The following KMT2B variants were observed in gnomAD, a reference collection of about 807,000 sequenced individuals.
KMT2B encodes the protein lysine methyltransferase 2B, also known as histone-lysine N-methyltransferase 2B.
KMT2B carries 22 observed loss-of-function variants against 255.3 expected under a neutral mutation model. The ratio of observed to expected loss-of-function variants is 0.09; its 90% CI spans 0.06 to 0.12. The LOEUF is 0.12. Among genes scored for constraint, KMT2B ranks in the 10% least tolerant of loss-of-function variants. KMT2B has a pLI of 1.00. For synonymous variants in KMT2B, 1,730 were observed against 1,498.1 expected, an observed-to-expected ratio of 1.15 and a Z score of -3.57; for missense variants, 3,149 against 3,737.0, an observed-to-expected ratio of 0.84 and a Z score of 4.10.
chr19:35,721,945 TC>T, intron 3 of KMT2B, 141 bp downstream of exon 3: 1 of 1,139,914 alleles, frequency 8.8e-7, no homozygotes, highest in African/African-American at 1.6e-5. Context: ...TCCCCCACCT[TC>T]CTTTGTTCCT....
intron 19 of KMT2B, among the ~76,000 whole-genome samples, chr19:35,728,494 G>C (rs1413578783): frequency 0.015 from 1 of 68 alleles, no homozygotes; most frequent in Non-Finnish European, 0.029. Context: ...GGCGGTGGGG[G>C]CCCGGAGGGG....
Position 35,719,465 on chromosome 19 carries a change from TC to T in KMT2B, c.364-3del, listed in dbSNP as rs1250741678. 6.3e-7 allele frequency: 1 copy of T among 1,577,520 alleles called. No homozygotes were observed. The highest frequency in any genetic ancestry group is 1.8e-5 in the Admixed American group (1 of 54,734). ...CTCCCCTCCACCCCGGTCCCCTAAA[TC>T]AGGAGTTTCAGGGTTTTCATTCAGA... On this transcript the variant is annotated splice_polypyrimidine_tract_variant and splice_region_variant and intron_variant, in intron 1 of 36. Coordinates refer to ENST00000420124, the MANE Select transcript of KMT2B (RefSeq NM_014727.3).
rs1969029636 is a variant in KMT2B, at chr19:35,718,186, G to C, written c.168G>C (p.Pro56=). Residue 56 remains proline, a synonymous_variant, in exon 1 of 37, where the codon CCG becomes CCC. Transcript: ENST00000420124. The surrounding 1 kb of genome is among the most constrained non-coding windows in gnomAD (Gnocchi z 5.0). The stretch of plus-strand genomic sequence containing the variant: ...GGCGCGGCGGTGGCGCGACGGGGCC[G>C]GGCGGAGCCGAGCCCGGGGAGGACA... ...ALRRGGGATG[P]GGAEPGEDTA... The C allele has an allele frequency of 3.6e-6, 4 of 1,122,262 alleles. No individual in the cohort carries two copies. The highest frequency in any genetic ancestry group is 1.7e-5 in the African/African-American group (1 of 60,380). The allele number at this position is 1,122,262 out of a possible 1,614,324, so 69.5% of individuals were successfully genotyped here.
intron 30 of KMT2B, chr19:35,736,343 A>G (rs1295361232): frequency 8.9e-6 from 2 of 224,388 alleles, no homozygotes; most frequent in Admixed American, 1.0e-4. Flanking sequence ...AGTATTTTAA[A>G]TTTTGTGTGA....
At chr19:35,726,689 G>A (rs1884441778) in intron 14 of KMT2B, among the ~76,000 whole-genome samples, 1 of 152,142 alleles carries the variant, frequency 6.6e-6, no homozygotes, top group Admixed American at 6.5e-5. Context: ...TCTGAAAAGA[G>A]GCCTCATCCT....
At position 35,723,456 on chromosome 19, in the gene KMT2B, G is replaced by A. The variant is rs1244926297; in HGVS notation, c.3012G>A (p.Lys1004=). ...NTKKQCCVYR[K]CDKIEARKME... is the part of the protein sequence containing the mutation. ...CTGCTCCCCTCCCCAGATACCGGAA[G>A]TGTGACAAAATAGAGGCTCGGAAGA... Residue 1004 remains lysine (K), a synonymous_variant, in exon 7 of 37, where the codon AAG becomes AAA. Coordinates refer to ENST00000420124, the MANE Select transcript of KMT2B (RefSeq NM_014727.3). The surrounding 1 kb of genome is among the most constrained non-coding windows in gnomAD (Gnocchi z 7.5). 5 of 1,578,322 alleles carry A rather than the reference G, an allele frequency of 3.2e-6. No homozygotes were observed. In the Admixed American group the frequency reaches 7.4e-5, roughly 23 times the overall value.
Position 35,720,246 on chromosome 19 carries a change from G to A in KMT2B, c.899G>A (p.Gly300Glu). ...RGGRGRGRGG[G>E]LPFVIKFVSR... is the part of the protein sequence containing the mutation. ...GGCAGGGGCCGCGGCCGAGGTGGTG[G>A]GCTCCCCTTTGTGATCAAGTTTGTT... The change falls in exon 3 of 37, where the codon GGG becomes GAG. Residue 300 changes from glycine (G) to glutamate (E), a missense_variant. Gly to Glu is a moderately conservative substitution (Grantham distance 98, BLOSUM62 -2). Around this residue, in one of 18 missense-constraint regions of KMT2B, gnomAD observed 1,188 missense variants for 1,106.4 expected, o/e 1.07. Transcript: ENST00000420124. 1.2e-6 allele frequency: 2 copies of A among 1,612,572 alleles called. No homozygotes were observed. The highest frequency in any genetic ancestry group is 1.7e-6 in the Non-Finnish European group (2 of 1,179,506).
In KMT2B at chr19:35,725,843, G is replaced by C. The variant is rs1002653694; in HGVS notation, c.3885+25G>C. The C allele has an allele frequency of 1.2e-5, 18 of 1,543,084 alleles. No homozygotes were observed. Among genetic ancestry groups the C allele is most frequent in the Non-Finnish European group, 1.6e-5 (18 of 1,138,590 alleles). On this transcript the variant is annotated intron_variant, in intron 13 of 36. Transcript: ENST00000420124. This position sits in a 1 kb window ranked among gnomAD's most constrained non-coding sequence, Gnocchi z 4.1. The stretch of plus-strand genomic sequence containing the variant: ...GGTGAGAGATGAGGTTCACCCACTT[G>C]CTTTGTCTCTAATGAATATCACCAC...
chr19:35,724,017 G>T lies in KMT2B; in HGVS notation c.3334+10G>T. On this transcript the variant is annotated intron_variant, in intron 8 of 36. Coordinates refer to ENST00000420124, the MANE Select transcript of KMT2B (RefSeq NM_014727.3). Reference sequence around the variant, plus strand: ...ACCCCCCGAGAAAATGGTGCGAACTGCTTAATGCTTTCTCTGTTGATCATT... The same window carrying T: ...ACCCCCCGAGAAAATGGTGCGAACTTCTTAATGCTTTCTCTGTTGATCATT... 1 of 1,565,172 alleles carries T rather than the reference G, an allele frequency of 6.4e-7. No individual in the cohort carries two copies. The highest frequency in any genetic ancestry group is 1.4e-5 in the African/African-American group (1 of 72,928).
Position 35,724,631 on chromosome 19 carries a change from G to C in KMT2B, c.3335-6G>C, listed in dbSNP as rs1300452150. On this transcript the variant is annotated splice_polypyrimidine_tract_variant and splice_region_variant and intron_variant, in intron 8 of 36. Transcript: ENST00000420124. The stretch of plus-strand genomic sequence containing the variant: ...GTGACCTCACTGCTCATTGTGTCCT[G>C]CCTAGAGCTGCCACTGCCAGAACCT... 3 of 1,581,578 alleles carry C rather than the reference G, an allele frequency of 1.9e-6. No individual in the cohort carries two copies. The highest frequency in any genetic ancestry group is 2.9e-5 in the African/African-American group (2 of 69,284).
In KMT2B at chr19:35,718,269, G is replaced by C; in HGVS notation, c.251G>C (p.Trp84Ser). 1 of 1,217,172 alleles carries C rather than the reference G, an allele frequency of 8.2e-7. No individual in the cohort carries two copies. Among genetic ancestry groups the C allele is most frequent in the Non-Finnish European group, 1.0e-6 (1 of 970,398 alleles). 75.4% of individuals were successfully genotyped at this position (1,217,172 alleles called of 1,614,324 possible). A position where few individuals can be genotyped will look rare whatever the true frequency, so the allele number is the denominator to read the frequency against. ...GGCCTGCGCCGGCTCCGCCGCCTGT[G>C]GGCCGGCCCGCGGGTCCAGCGGGGC... ...RRGLRRLRRL[W>S]AGPRVQRGRG... The change falls in exon 1 of 37, where the codon TGG becomes TCG. Residue 84 changes from tryptophan to serine, a missense_variant. Physicochemically the swap from Trp to Ser is radical, Grantham distance 177. Coordinates refer to ENST00000420124, the MANE Select transcript of KMT2B (RefSeq NM_014727.3). The surrounding 1 kb of genome is among the most constrained non-coding windows in gnomAD (Gnocchi z 5.0).
chr19:35,721,209 C>CGA lies in KMT2B; in HGVS notation c.1862_1863insGA (p.Pro622IlefsTer39). 1 of 1,516,562 alleles carries CGA rather than the reference C, an allele frequency of 6.6e-7. No homozygotes were observed. The highest frequency in any genetic ancestry group is 8.9e-7 in the Non-Finnish European group (1 of 1,126,510). The allele number at this position is 1,516,562 out of a possible 1,614,324, so 93.9% of individuals were successfully genotyped here. On this transcript the variant is annotated frameshift_variant, in exon 3 of 37. Transcript: ENST00000420124. LOFTEE classifies it high-confidence loss of function. Reference sequence around the variant, plus strand: ...TCACTGACCCGGGAGCTGCCCCCTCCTCCCCCAGCCCCTCCACCTCCCCCG... The same window carrying CGA: ...TCACTGACCCGGGAGCTGCCCCCTCCGATCCCCCAGCCCCTCCACCTCCCCCG...
chr19:35,723,355 G>T lies in KMT2B; in HGVS notation c.3002+81G>T. 1 of 1,555,372 alleles carries T rather than the reference G, an allele frequency of 6.4e-7. No individual in the cohort carries two copies. The highest frequency in any genetic ancestry group is 8.7e-7 in the Non-Finnish European group (1 of 1,145,684). On this transcript the variant is annotated intron_variant, in intron 6 of 36. Transcript: ENST00000420124. The surrounding 1 kb of genome is among the most constrained non-coding windows in gnomAD (Gnocchi z 7.5). ...ACCTCACTCCTCTTCTGCCTGGCCA[G>T]AGCAGTGGGGTTGGCATTCTTGTGG...
Position 35,718,482 on chromosome 19 carries a change from A to G in KMT2B, c.363+101A>G. 2 of 1,174,036 alleles carry G rather than the reference A, an allele frequency of 1.7e-6. No homozygotes were observed. The highest frequency in any genetic ancestry group is 4.3e-5 in the South Asian group (1 of 23,390). 72.7% of individuals were successfully genotyped at this position (1,174,036 alleles called of 1,614,324 possible). On this transcript the variant is annotated intron_variant, in intron 1 of 36. Transcript: ENST00000420124. The surrounding 1 kb of genome is among the most constrained non-coding windows in gnomAD (Gnocchi z 5.0). ...GGCGGCGTGGGCAGGCCGGGTCCTC[A>G]GGGTTCCTTCGGAGAGACGGGGCAC...
At position 35,723,419 on chromosome 19, in the gene KMT2B, C is replaced by T. The variant is rs1291068602; in HGVS notation, c.3003-28C>T. 4 of 1,563,688 alleles carry T rather than the reference C, an allele frequency of 2.6e-6. No individual in the cohort carries two copies. The South Asian group carries it at 3.5e-5, about 14-fold the overall frequency. On this transcript the variant is annotated intron_variant, in intron 6 of 36. Coordinates refer to ENST00000420124, the MANE Select transcript of KMT2B (RefSeq NM_014727.3). The surrounding 1 kb of genome is among the most constrained non-coding windows in gnomAD (Gnocchi z 7.5). ...TTCCCCCAGACCACCAGTCCCCTAC[C>T]CTGGTGACGTGCTGCTCCCCTCCCC...
At position 35,727,829 on chromosome 19, in the gene KMT2B, G is replaced by A. The variant is rs747862819; in HGVS notation, c.4392+42G>A. On this transcript the variant is annotated intron_variant, in intron 17 of 36. Transcript: ENST00000420124. The surrounding 1 kb of genome is among the most constrained non-coding windows in gnomAD (Gnocchi z 4.2). ...GAGGAGCAGGTGGGTGGCAGGAGGA[G>A]AGGGCTGGAATTGTGCAGAGGGGAC... 1.2e-6 allele frequency: 2 copies of A among 1,613,208 alleles called. No individual in the cohort carries two copies. Among genetic ancestry groups the A allele is most frequent in the East Asian group, 4.5e-5 (2 of 44,888 alleles).
chr19:35,733,166 G>A lies in KMT2B; in HGVS notation c.6617G>A (p.Gly2206Glu). ...GGGCAAGTATTTGTGAAGATGGCTGGGGAGGGTGAACCTGTCCCACCCCCA... is the reference window on the plus strand; with the variant it reads ...GGGCAAGTATTTGTGAAGATGGCTGAGGAGGGTGAACCTGTCCCACCCCCA... ...KLGQVFVKMA[G>E]EGEPVPPPVK... Residue 2206 changes from glycine (G) to glutamate (E), a missense_variant, in exon 28 of 37, where the codon GGG (glycine) becomes GAG (glutamate). Gly to Glu is a moderately conservative substitution (Grantham distance 98). Transcript: ENST00000420124. This position sits in a 1 kb window ranked among gnomAD's most constrained non-coding sequence, Gnocchi z 4.3. 1 of 1,572,284 alleles carries A rather than the reference G, an allele frequency of 6.4e-7. No individual in the cohort carries two copies. Among genetic ancestry groups the A allele is most frequent in the Non-Finnish European group, 8.6e-7 (1 of 1,157,960 alleles).
Position 35,736,839 on chromosome 19 carries a change from G to A in KMT2B, c.7297+12G>A, listed in dbSNP as rs553831428. 4 of 1,613,868 alleles carry A rather than the reference G, an allele frequency of 2.5e-6. No individual in the cohort carries two copies. The highest frequency in any genetic ancestry group is 1.3e-5 in the African/African-American group (1 of 74,908). On this transcript the variant is annotated intron_variant, in intron 31 of 36. Transcript: ENST00000420124. ...AGAGAGCTTGGAGGGTGAGTGGGGG[G>A]AGTGCAGTGGCAGGAGGGAGAGTGT...
Position 35,720,275 on chromosome 19 carries a change from A to C in KMT2B, c.928A>C (p.Arg310=). Reference sequence around the variant, plus strand: ...CCCCTTTGTGATCAAGTTTGTTTCAAGGGCCAAAAAAGTAAAGATGGGACA... The same window carrying C: ...CCCCTTTGTGATCAAGTTTGTTTCACGGGCCAAAAAAGTAAAGATGGGACA... ...GLPFVIKFVS[R]AKKVKMGQLS... The change falls in exon 3 of 37, where the codon AGG becomes CGG. Residue 310 remains arginine, a synonymous_variant. Transcript: ENST00000420124. 1 of 1,613,262 alleles carries C rather than the reference A, an allele frequency of 6.2e-7. No individual in the cohort carries two copies. Among genetic ancestry groups the C allele is most frequent in the Non-Finnish European group, 8.5e-7 (1 of 1,179,720 alleles).
Sources: gnomAD v4.1 joint callset for allele counts (sites outside exome capture counted in the v4.1 genomes callset) on GRCh38, gnomAD v4.1.1 for gene constraint, gnomAD v4.1.1 regional missense constraint, Gnocchi (gnomAD v3.1) non-coding constraint, MANE v1.5 for transcripts, NCBI Gene and HGNC (gene_info 2026-07-23, HGNC 2026-07-21) for gene names.